Variants in ATP8A2 observed in about 807,000 individuals in gnomAD.
The protein encoded by ATP8A2 is ATPase phospholipid transporting 8A2, also known as phospholipid-transporting ATPase IB.
Under a neutral mutation model 165.6 loss-of-function variants are expected in ATP8A2, and 100 were observed. The observed-to-expected ratio is 0.60, with a 90% CI of 0.51 to 0.71. ATP8A2 has a LOEUF of 0.71. Among genes scored for constraint, ATP8A2 ranks in the 30% least tolerant of loss-of-function variants. The probability of loss-of-function intolerance (pLI) is 0.00; values close to 1 mark genes in which losing one functional copy is unlikely to be tolerated. For synonymous variants in ATP8A2, 543 were observed against 548.8 expected (o/e 0.99, Z 0.15); for missense variants, 1,227 against 1,479.5 (o/e 0.83, Z 2.80).
chr13:25,488,126 G>C (rs991722980), intron 2 of ATP8A2, among the ~76,000 whole-genome samples: 1 of 152,062 alleles, frequency 6.6e-6, no homozygotes, highest in Non-Finnish European at 1.5e-5. Context: ...TGACAGGTTG[G>C]GTAGGCTTGT....
intron 24 of ATP8A2, among the ~76,000 whole-genome samples, chr13:25,685,360 C>T (rs1250716437): frequency 1.3e-5 from 2 of 152,192 alleles, no homozygotes; most frequent in African/African-American, 4.8e-5. Context: ...TTTGAATATA[C>T]TTTGCAAGCC....
intron 25 of ATP8A2, among the ~76,000 whole-genome samples, chr13:25,707,975 G>A (rs1476391652): frequency 6.6e-6 from 1 of 152,136 alleles, no homozygotes; most frequent in Non-Finnish European, 1.5e-5. Flanking sequence ...TCAACACATG[G>A]GGACCCTTGT....
intron 25 of ATP8A2, among the ~76,000 whole-genome samples, chr13:25,757,156 A>G (rs895365242): frequency 2.8e-4 from 42 of 152,352 alleles, no homozygotes; most frequent in African/African-American, 1.0e-3. Context: ...CAAATAGCCC[A>G]CAGGATCATG....
intron 35 of ATP8A2, among the ~76,000 whole-genome samples, chr13:25,981,002 T>G (rs1047611276): frequency 5.9e-5 from 9 of 152,234 alleles, no homozygotes; most frequent in African/African-American, 2.2e-4. Context: ...CTAAAGTCAA[T>G]TGGCGTTAGC....
chr13:25,931,032 C>T (rs961295907), intron 33 of ATP8A2, among the ~76,000 whole-genome samples: 3 of 152,194 alleles, frequency 2.0e-5, no homozygotes, highest in Non-Finnish European at 4.4e-5. Context: ...CAGAAGTGAC[C>T]TCTGCCTCCC....
intron 34 of ATP8A2, among the ~76,000 whole-genome samples, chr13:25,966,469 C>T (rs536802388): frequency 2.4e-4 from 36 of 152,242 alleles, no homozygotes; most frequent in African/African-American, 8.2e-4. Flanking sequence ...GATAAAGGTG[C>T]TTGGGAACAG....
At chr13:25,629,330 A>G (rs1208791238) in intron 24 of ATP8A2, among the ~76,000 whole-genome samples, 2 of 152,184 alleles carry the variant, frequency 1.3e-5, no homozygotes, top group Non-Finnish European at 2.9e-5. Context: ...GGTTTAAAAT[A>G]TTTTTAAAAT....
chr13:25,919,801 TG>T (rs1453055514), intron 33 of ATP8A2, among the ~76,000 whole-genome samples: 2 of 152,180 alleles, frequency 1.3e-5, no homozygotes, highest in Non-Finnish European at 2.9e-5. Context: ...AGTCTTGCTC[TG>T]TTGCTCAGGC....
At chr13:25,731,272 A>C (rs919912702) in intron 25 of ATP8A2, among the ~76,000 whole-genome samples, 1 of 150,666 alleles carries the variant, frequency 6.6e-6, no homozygotes. Context: ...AAGCGGGAGG[A>C]AGAAAAAGAA....
chr13:25,512,152 T>G (rs1212744969), intron 2 of ATP8A2, among the ~76,000 whole-genome samples: 2 of 151,304 alleles, frequency 1.3e-5, no homozygotes, highest in African/African-American at 4.9e-5. Flanking sequence ...CCTTAATCCA[T>G]TTAACCCTGA....
At chr13:25,886,680 G>T (rs1251197031) in intron 33 of ATP8A2, among the ~76,000 whole-genome samples, 4 of 152,218 alleles carry the variant, frequency 2.6e-5, no homozygotes, top group Non-Finnish European at 4.4e-5. Context: ...TCTTCCAAGT[G>T]GCAGCCCAGA....
chr13:25,868,911 T>C (rs1443761771), intron 33 of ATP8A2, among the ~76,000 whole-genome samples: 1 of 151,646 alleles, frequency 6.6e-6, no homozygotes, highest in East Asian at 1.9e-4. Context: ...CTACTAAAAA[T>C]AGAAAAAATT....
At chr13:25,628,714 C>T (rs2041164087) in intron 24 of ATP8A2, among the ~76,000 whole-genome samples, 1 of 152,160 alleles carries the variant, frequency 6.6e-6, no homozygotes, top group African/African-American at 2.4e-5. Flanking sequence ...CAGGCGTCAC[C>T]TTCCCTCTGT....
rs563127296 is a variant in ATP8A2 at position 25,545,574 on chromosome 13, G to A, written c.891+2172G>A. Among the ~76,000 whole-genome samples, 27 of 152,260 alleles carry A rather than the reference G, an allele frequency of 1.8e-4. No homozygotes were observed. In the East Asian group the frequency reaches 5.2e-3, roughly 29 times the overall value. On this transcript the variant is annotated intron_variant, in intron 10 of 36. Coordinates refer to ENST00000381655, the MANE Select transcript of ATP8A2 (RefSeq NM_016529.6). ...CTTTAACTCCCATAGTGCAGTGTCA[G>A]TAACCCTTGCTGCACGCTTTGGGAG...
At chr13:25,451,632 T>C (rs2138238974) in intron 1 of ATP8A2, among the ~76,000 whole-genome samples, 1 of 152,218 alleles carries the variant, frequency 6.6e-6, no homozygotes, top group Admixed American at 6.5e-5. Flanking sequence ...TTTTTTTGTC[T>C]TTTAAGTTAG....
At chr13:25,627,344 A>G (rs2041127572) in intron 24 of ATP8A2, among the ~76,000 whole-genome samples, 1 of 152,162 alleles carries the variant, frequency 6.6e-6, no homozygotes, top group African/African-American at 2.4e-5. Context: ...GGATTATTCT[A>G]GATGCAATGT....
At chr13:25,387,473 C>G (rs1248878089) in intron 1 of ATP8A2, among the ~76,000 whole-genome samples, 1 of 152,068 alleles carries the variant, frequency 6.6e-6, no homozygotes, top group African/African-American at 2.4e-5. Flanking sequence ...CTGCTAGAGC[C>G]TGGGTTTAAT....
chr13:25,442,011 AT>A (rs1165225124), intron 1 of ATP8A2, among the ~76,000 whole-genome samples: 3 of 152,168 alleles, frequency 2.0e-5, no homozygotes, highest in Non-Finnish European at 4.4e-5. Context: ...CTTTTTGCTT[AT>A]TTCACTTAGC....
At chr13:25,392,601 A>G (rs1053520409) in intron 1 of ATP8A2, among the ~76,000 whole-genome samples, 6 of 152,234 alleles carry the variant, frequency 3.9e-5, no homozygotes, top group Non-Finnish European at 8.8e-5. Context: ...AACTAATTAA[A>G]TTATTGTAAC....
Sources: gnomAD v4.1 joint callset for allele counts (sites outside exome capture counted in the v4.1 genomes callset) on GRCh38, gnomAD v4.1.1 for gene constraint, MANE v1.5 for transcripts, NCBI Gene and HGNC (gene_info 2026-07-23, HGNC 2026-07-21) for gene names.